CARNMT1: variants seen among roughly 807,000 people sequenced by gnomAD.
The protein encoded by CARNMT1 is protein-L-histidine N-pros-methyltransferase CARNMT1.
Under a neutral mutation model 49.6 loss-of-function variants are expected in CARNMT1, and 28 were observed. The observed-to-expected ratio is 0.56, with a 90% CI of 0.42 to 0.77. The LOEUF (loss-of-function observed/expected upper bound fraction) is 0.77. Ranked by LOEUF, CARNMT1 falls within the 30% of genes least tolerant of loss-of-function variation. The probability of loss-of-function intolerance (pLI) is 0.00; values close to 1 mark genes in which losing one functional copy is unlikely to be tolerated. For missense variants in CARNMT1, 421 were observed against 512.6 expected, an observed-to-expected ratio of 0.82 and a Z score of 1.73; for synonymous variants, 178 against 175.0, an observed-to-expected ratio of 1.02 and a Z score of -0.13.
chr9:75,004,668 A>G (rs1013271021), intron 3 of CARNMT1, among the ~76,000 whole-genome samples: 1 of 152,160 alleles, frequency 6.6e-6, no homozygotes, highest in Non-Finnish European at 1.5e-5. Flanking sequence ...TATAATTTAC[A>G]TTATTTATTT....
chr9:74,998,285 T>G (rs542836576), intron 5 of CARNMT1, among the ~76,000 whole-genome samples: 18 of 152,346 alleles, frequency 1.2e-4, no homozygotes, highest in African/African-American at 4.1e-4. Flanking sequence ...AGCCTCACTA[T>G]GAACAGCTTC....
In CARNMT1 at chr9:75,020,105, G is replaced by A. The variant is rs1003601329; in HGVS notation, c.231-2657C>T. 3.3e-5 allele frequency among the ~76,000 whole-genome samples: 5 copies of A among 152,156 alleles called. No individual in the cohort carries two copies. In the East Asian group the frequency reaches 9.6e-4, roughly 29 times the overall value. ...AATGATTCTGAGGGTGAAAGAGACA[G>A]GATAATGTGTTTTAAAAACTAGGTG... On this transcript the variant is annotated intron_variant, in intron 1 of 7. Transcript: ENST00000376834.
In CARNMT1 at chr9:74,981,896, A is replaced by G. The variant is rs1228692842; in HGVS notation, c.*1871T>C. 1 of 151,776 alleles carries G rather than the reference A, an allele frequency of 6.6e-6. No homozygotes were observed. The highest frequency in any genetic ancestry group is 1.5e-5 in the Non-Finnish European group (1 of 67,802). 9.4% of individuals were successfully genotyped at this position (151,776 alleles called of 1,614,324 possible). A position where few individuals can be genotyped will look rare whatever the true frequency, so the allele number is the denominator to read the frequency against. On this transcript the variant is annotated 3_prime_UTR_variant, in exon 8 of 8. Coordinates refer to ENST00000376834, the MANE Select transcript of CARNMT1 (RefSeq NM_152420.3). ...TGTACTTTGCAAGTTTTCTTCTTTTAAAACAATAATTTGAGTTTTTTTTTT... is the reference window on the plus strand; with the variant it reads ...TGTACTTTGCAAGTTTTCTTCTTTTGAAACAATAATTTGAGTTTTTTTTTT...
At chr9:75,021,945 A>C (rs949614462) in intron 1 of CARNMT1, among the ~76,000 whole-genome samples, 2 of 152,014 alleles carry the variant, frequency 1.3e-5, no homozygotes, top group Non-Finnish European at 2.9e-5. Flanking sequence ...TCTCCAAAAA[A>C]GAGAAGAAAA....
chr9:75,001,584 GT>G (rs1371692670), intron 3 of CARNMT1, among the ~76,000 whole-genome samples: 1 of 152,180 alleles, frequency 6.6e-6, no homozygotes, highest in Non-Finnish European at 1.5e-5. Context: ...AAGTGGACAT[GT>G]AAGAAATGCA....
chr9:74,988,287 A>G (rs889760746), intron 6 of CARNMT1, among the ~76,000 whole-genome samples: 1 of 152,144 alleles, frequency 6.6e-6, no homozygotes, highest in East Asian at 1.9e-4. Flanking sequence ...TATAAGATCA[A>G]AACTAGGAAG....
intron 3 of CARNMT1, among the ~76,000 whole-genome samples, chr9:75,014,658 A>C (rs1833793061): frequency 6.6e-6 from 1 of 152,120 alleles, no homozygotes; most frequent in African/African-American, 2.4e-5. Context: ...TAATTCATGC[A>C]ATTTATCTGT....
chr9:75,024,245 T>C (rs187113927), intron 1 of CARNMT1, among the ~76,000 whole-genome samples: 29 of 152,332 alleles, frequency 1.9e-4, no homozygotes, highest in Admixed American at 5.2e-4. Context: ...CTTTATTAAA[T>C]ACCTAACATT....
chr9:75,004,730 T>A (rs763786240), intron 3 of CARNMT1, among the ~76,000 whole-genome samples: 25 of 152,222 alleles, frequency 1.6e-4, no homozygotes, highest in Non-Finnish European at 3.2e-4. Context: ...ATTTTTTTCC[T>A]AATGCCCAAC....
intron 6 of CARNMT1, among the ~76,000 whole-genome samples, chr9:74,988,115 T>A (rs1832902006): frequency 6.6e-6 from 1 of 152,098 alleles, no homozygotes; most frequent in Non-Finnish European, 1.5e-5. Flanking sequence ...CAGTGTCTTG[T>A]TATATTACCC....
At position 74,982,079 on chromosome 9, in the gene CARNMT1, T is replaced by A. The variant is rs898001308; in HGVS notation, c.*1688A>T. ...ATTTTGACATGTCAGATTAACTACA[T>A]GAAACCCTCTATTGCATAGTGAGAG... On this transcript the variant is annotated 3_prime_UTR_variant, in exon 8 of 8. Coordinates refer to ENST00000376834, the MANE Select transcript of CARNMT1 (RefSeq NM_152420.3). The A allele has an allele frequency of 6.7e-6, 1 of 148,584 alleles. No individual in the cohort carries two copies. The highest frequency in any genetic ancestry group is 1.5e-5 in the Non-Finnish European group (1 of 67,454). 9.2% of individuals were successfully genotyped at this position (148,584 alleles called of 1,614,324 possible). A position where few individuals can be genotyped will look rare whatever the true frequency, so the allele number is the denominator to read the frequency against.
chr9:75,008,142 A>C (rs914787111), intron 3 of CARNMT1, among the ~76,000 whole-genome samples: 1 of 150,768 alleles, frequency 6.6e-6, no homozygotes, highest in African/African-American at 2.4e-5. Context: ...CCACACATAA[A>C]ATAACACTAA....
At chr9:74,985,103 G>T in intron 6 of CARNMT1, 93 bp from the exon 7 acceptor site, 1 of 921,262 alleles carries the variant, frequency 1.1e-6, no homozygotes. Context: ...TTAGGTACTG[G>T]ATGAGACAAA....
chr9:75,020,330 C>T (rs1344186515), intron 1 of CARNMT1, among the ~76,000 whole-genome samples: 3 of 142,330 alleles, frequency 2.1e-5, no homozygotes, highest in African/African-American at 5.2e-5. Flanking sequence ...TGCAGTAGCA[C>T]GATCTCAGCT....
At chr9:74,995,797 T>C (rs557383333) in intron 6 of CARNMT1, among the ~76,000 whole-genome samples, 1 of 152,310 alleles carries the variant, frequency 6.6e-6, no homozygotes, top group Admixed American at 6.5e-5. Context: ...CACGAAAGAA[T>C]ACATGTATAT....
chr9:75,006,102 A>C (rs1367164659), intron 3 of CARNMT1, among the ~76,000 whole-genome samples: 1 of 151,790 alleles, frequency 6.6e-6, no homozygotes. Flanking sequence ...CTCAGGCTGG[A>C]GTGCAGTGGC....
chr9:75,019,814 C>T (rs1166082722), intron 1 of CARNMT1, among the ~76,000 whole-genome samples: 1 of 152,162 alleles, frequency 6.6e-6, no homozygotes, highest in East Asian at 1.9e-4. Flanking sequence ...ACCTGGGGTG[C>T]ACTTTGTCAG....
Position 75,028,211 on chromosome 9 carries a change from T to C in CARNMT1, c.31A>G (p.Thr11Ala), listed in dbSNP as rs1328882463. ...CCGCAGCCCTCGGGCAGCCGGGAGG[T>C]GGGCGGCGGAGGGCGACGCCGTCGC... MQRRRRPPPP[T>A]SRLPEGCGGG... Residue 11 changes from threonine to alanine, a missense_variant, in exon 1 of 8, where the codon ACC becomes GCC. Coordinates refer to ENST00000376834, the MANE Select transcript of CARNMT1 (RefSeq NM_152420.3). 3 of 1,435,428 alleles carry C rather than the reference T, an allele frequency of 2.1e-6. No individual in the cohort carries two copies. Among genetic ancestry groups the C allele is most frequent in the Non-Finnish European group, 2.7e-6 (3 of 1,096,582 alleles). 88.9% of individuals were successfully genotyped at this position (1,435,428 alleles called of 1,614,324 possible).
rs1382839248 is a variant in CARNMT1, at chr9:75,011,904, T to C, written c.590+4364A>G. On this transcript the variant is annotated intron_variant, in intron 3 of 7. Coordinates refer to ENST00000376834, the MANE Select transcript of CARNMT1 (RefSeq NM_152420.3). ...GCAATTAAACAAAATGAAATATGAG[T>C]GACAGATTCTTCCCCAGTCAAGTCT... Among the ~76,000 whole-genome samples, 14 of 152,110 alleles carry C rather than the reference T, an allele frequency of 9.2e-5. No individual in the cohort carries two copies. The East Asian group carries it at 2.5e-3, about 27-fold the overall frequency.
Sources: allele counts gnomAD v4.1 joint callset (sites outside exome capture counted in the v4.1 genomes callset), GRCh38; gene constraint gnomAD v4.1.1; transcripts MANE v1.5; gene names NCBI Gene and HGNC (gene_info 2026-07-23, HGNC 2026-07-21).